The following OLFM3 variants were observed in gnomAD, a reference collection of about 807,000 sequenced individuals.
OLFM3 encodes the protein noelin-3.
In OLFM3, 20 loss-of-function variants were observed where a neutral mutation model predicts 48.6. The observed-to-expected ratio is 0.41, with a 90% confidence interval of 0.29 to 0.60. The LOEUF is 0.60. Among genes scored for constraint, OLFM3 ranks in the 20% least tolerant of loss-of-function variants. The pLI is 0.28. For missense variants in OLFM3, 437 were observed against 544.3 expected (o/e 0.80, Z 1.96); for synonymous variants, 222 against 198.1 (o/e 1.12, Z -1.01).
intron 1 of OLFM3, among the ~76,000 whole-genome samples, chr1:101,914,388 C>T (rs1334129843): frequency 2.6e-5 from 4 of 152,104 alleles, no homozygotes; most frequent in Non-Finnish European, 4.4e-5. Flanking sequence ...AGGGTGGTAA[C>T]CATGTTTTCT....
rs142247500 is a variant in OLFM3 at position 101,825,481 on chromosome 1, A to T, written c.373-236T>A. Among the ~76,000 whole-genome samples, 90 of 152,318 alleles carry T rather than the reference A, an allele frequency of 5.9e-4. No individual in the cohort carries two copies. In the East Asian group the frequency reaches 0.012, roughly 21 times the overall value. On this transcript the variant is annotated intron_variant, in intron 3 of 5. Coordinates refer to ENST00000370103, the MANE Select transcript of OLFM3 (RefSeq NM_058170.4). ...TTTCTTTAATGCTTAGTTTTCTATA[A>T]CAAATATATCCTTATCATAATTAGA... is the stretch of plus-strand genomic sequence containing the variant.
intron 3 of OLFM3, among the ~76,000 whole-genome samples, chr1:101,829,783 G>C (rs201165843): frequency 6.6e-6 from 1 of 152,242 alleles, no homozygotes; most frequent in East Asian, 1.9e-4. Context: ...GGTAAGGCAA[G>C]TGGTTTACTT....
chr1:101,875,926 C>G (rs564326005), intron 1 of OLFM3, among the ~76,000 whole-genome samples: 1 of 151,956 alleles, frequency 6.6e-6, no homozygotes. Flanking sequence ...CCTTGAAGAA[C>G]AATTTGCACA....
chr1:101,940,491 T>C (rs1659756426), intron 1 of OLFM3, among the ~76,000 whole-genome samples: 1 of 151,754 alleles, frequency 6.6e-6, no homozygotes, highest in Non-Finnish European at 1.5e-5. Context: ...ATTATCTATC[T>C]TTCAATCATC....
intron 1 of OLFM3, among the ~76,000 whole-genome samples, chr1:101,894,281 T>C (rs949010234): frequency 6.6e-6 from 1 of 152,186 alleles, no homozygotes; most frequent in African/African-American, 2.4e-5. Context: ...AAATTTGGTT[T>C]CCAGAGTAAG....
intron 1 of OLFM3, among the ~76,000 whole-genome samples, chr1:101,987,770 G>A (rs1041551297): frequency 6.6e-6 from 1 of 151,936 alleles, no homozygotes; most frequent in East Asian, 1.9e-4. Flanking sequence ...CAACTTAGTT[G>A]GAAAAATTAA....
chr1:101,851,502 CA>C (rs1409629336), intron 1 of OLFM3, among the ~76,000 whole-genome samples: 3 of 152,068 alleles, frequency 2.0e-5, no homozygotes, highest in Non-Finnish European at 4.4e-5. Context: ...TGCAGCTTTG[CA>C]AAGGGGTAGC....
intron 1 of OLFM3, among the ~76,000 whole-genome samples, chr1:101,917,725 C>G (rs1203965872): frequency 2.6e-5 from 4 of 152,138 alleles, no homozygotes; most frequent in Admixed American, 2.6e-4. Flanking sequence ...CCCATAAACA[C>G]TATATTTTAT....
At chr1:101,960,309 C>T (rs979190877) in intron 1 of OLFM3, among the ~76,000 whole-genome samples, 7 of 152,170 alleles carry the variant, frequency 4.6e-5, no homozygotes, top group African/African-American at 1.7e-4. Flanking sequence ...GACAGCAGAA[C>T]TCAGACGCAT....
intron 1 of OLFM3, among the ~76,000 whole-genome samples, chr1:101,942,111 G>T (rs1241038678): frequency 1.3e-5 from 2 of 152,156 alleles, no homozygotes; most frequent in African/African-American, 4.8e-5. Context: ...AAGTATAAAA[G>T]CCCAGAGTGC....
At chr1:101,853,766 GT>G (rs1557703351) in intron 1 of OLFM3, among the ~76,000 whole-genome samples, 1 of 152,064 alleles carries the variant, frequency 6.6e-6, no homozygotes, top group Non-Finnish European at 1.5e-5. Flanking sequence ...TTGCATGTAT[GT>G]TTTTATGTGT....
At chr1:101,901,018 T>C (rs1302818915) in intron 1 of OLFM3, among the ~76,000 whole-genome samples, 4 of 152,082 alleles carry the variant, frequency 2.6e-5, no homozygotes, top group Admixed American at 2.0e-4. Flanking sequence ...ATCATATTCC[T>C]AGTAATAAGT....
intron 1 of OLFM3, among the ~76,000 whole-genome samples, chr1:101,838,326 C>T (rs565343715): frequency 3.3e-5 from 5 of 150,870 alleles, no homozygotes; most frequent in Admixed American, 6.6e-5. Context: ...CCCAAAGTGC[C>T]GGGATAACAG....
At chr1:101,841,755 A>AT (rs1342355075) in intron 1 of OLFM3, among the ~76,000 whole-genome samples, 6 of 152,230 alleles carry the variant, frequency 3.9e-5, no homozygotes, top group African/African-American at 1.2e-4. Flanking sequence ...ATATTGCTAG[A>AT]TTTTTTGTAT....
At chr1:101,947,853 T>C (rs183637978) in intron 1 of OLFM3, among the ~76,000 whole-genome samples, 102 of 152,304 alleles carry the variant, frequency 6.7e-4, no homozygotes, top group Admixed American at 2.0e-3. Context: ...ATGAGCTTTT[T>C]CAACAAGACT....
intron 1 of OLFM3, among the ~76,000 whole-genome samples, chr1:101,929,871 T>A (rs1439623330): frequency 6.6e-6 from 1 of 152,090 alleles, no homozygotes; most frequent in Non-Finnish European, 1.5e-5. Flanking sequence ...TTAAAGTACA[T>A]GTAGAAAAGA....
At chr1:101,956,906 T>C (rs1428623586) in intron 1 of OLFM3, among the ~76,000 whole-genome samples, 1 of 151,878 alleles carries the variant, frequency 6.6e-6, no homozygotes, top group Admixed American at 6.6e-5. Context: ...TAACTAATGC[T>C]TTATTACTCC....
At chr1:101,922,861 AG>A (rs1441911405) in intron 1 of OLFM3, among the ~76,000 whole-genome samples, 8 of 152,338 alleles carry the variant, frequency 5.3e-5, no homozygotes, top group Admixed American at 3.3e-4. Context: ...ATTAAATGGA[AG>A]TAATTGCTAA....
chr1:101,934,772 T>C (rs547591670), intron 1 of OLFM3, among the ~76,000 whole-genome samples: 23 of 151,992 alleles, frequency 1.5e-4, no homozygotes, highest in Non-Finnish European at 2.6e-4. Context: ...AAAACACTTT[T>C]TGACCTCAAC....
Sources: allele counts gnomAD v4.1 joint callset (sites outside exome capture counted in the v4.1 genomes callset), GRCh38; gene constraint gnomAD v4.1.1; transcripts MANE v1.5; gene names NCBI Gene and HGNC (gene_info 2026-07-23, HGNC 2026-07-21).